The following CSNK1G3 variants were observed in gnomAD, a reference collection of about 807,000 sequenced individuals.
CSNK1G3 encodes casein kinase I isoform gamma-3.
In CSNK1G3, 23 loss-of-function variants were observed where a neutral mutation model predicts 64.3. The ratio of observed to expected loss-of-function variants is 0.36; its 90% CI spans 0.26 to 0.51. CSNK1G3 has a LOEUF of 0.51. CSNK1G3 is among the 20% of genes least tolerant of loss of function. The probability of loss-of-function intolerance (pLI) is 0.96; values close to 1 mark genes in which losing one functional copy is unlikely to be tolerated. For synonymous variants in CSNK1G3, 158 were observed against 162.2 expected (o/e 0.97, Z 0.20); for missense variants, 357 against 510.5 (o/e 0.70, Z 2.90).
At chr5:123,530,799 C>T (rs1779794680) in intron 1 of CSNK1G3, among the ~76,000 whole-genome samples, 2 of 152,128 alleles carry the variant, frequency 1.3e-5, no homozygotes, top group South Asian at 4.1e-4. Flanking sequence ...AAAAAAGTTT[C>T]TGTAGTATGT....
In CSNK1G3 at chr5:123,595,026, A is replaced by G. The variant is rs753777724; in HGVS notation, c.1086+3612A>G. 1.2e-6 allele frequency: 2 copies of G among 1,612,438 alleles called. No individual in the cohort carries two copies. The highest frequency in any genetic ancestry group is 2.2e-5 in the East Asian group (1 of 44,840). On this transcript the variant is annotated intron_variant, in intron 10 of 12. Coordinates refer to ENST00000345990, the Ensembl canonical transcript of CSNK1G3. ...TTCTTCCATGCATGCCATATGCATT[A>G]AATAAATGGCAGTCGGCAGACCACA...
chr5:123,551,802 A>G lies in CSNK1G3; in HGVS notation c.179-1305A>G, dbSNP rs1333998214. ...TACTCTCACTATTAAAAAAAACCCC[A>G]AAAAACTATCATTGTTTTGTTTTCC... On this transcript the variant is annotated intron_variant, in intron 2 of 12. Transcript: ENST00000345990. Among the ~76,000 whole-genome samples, 4 of 152,260 alleles carry G rather than the reference A, an allele frequency of 2.6e-5. No individual in the cohort carries two copies. In the South Asian group the frequency reaches 8.3e-4, roughly 32 times the overall value.
At chr5:123,608,273 A>G (rs779766569) in intron 12 of CSNK1G3, among the ~76,000 whole-genome samples, 10 of 152,306 alleles carry the variant, frequency 6.6e-5, no homozygotes, top group Middle Eastern at 3.4e-3. Context: ...TGCACATTTT[A>G]GCATCCTCAT....
At chr5:123,524,940 G>A (rs187016161) in intron 1 of CSNK1G3, among the ~76,000 whole-genome samples, 1 of 152,202 alleles carries the variant, frequency 6.6e-6, no homozygotes, top group Admixed American at 6.5e-5. Context: ...AAGATACCAG[G>A]CACTCTCTAG....
intron 1 of CSNK1G3, among the ~76,000 whole-genome samples, chr5:123,542,849 AGTGTGTGTGT>A (rs66645709): frequency 2.0e-4 from 27 of 134,902 alleles, no homozygotes; most frequent in African/African-American, 4.0e-4. Context: ...GCCTAGATTT[AGTGTGTGTGT>A]GTGTGTGTGT....
At chr5:123,597,023 G>T (rs570928832) in intron 10 of CSNK1G3, among the ~76,000 whole-genome samples, 1 of 114,116 alleles carries the variant, frequency 8.8e-6, no homozygotes, top group South Asian at 2.5e-4. Context: ...AACGTAATAA[G>T]AGCAAAGAAA....
intron 12 of CSNK1G3, among the ~76,000 whole-genome samples, chr5:123,609,778 G>A (rs1795999415): frequency 6.6e-6 from 1 of 152,172 alleles, no homozygotes. Context: ...CACCTGGGAA[G>A]GAAGCCTAAT....
At chr5:123,586,184 A>G (rs1581288644) in intron 6 of CSNK1G3, among the ~76,000 whole-genome samples, 2 of 152,196 alleles carry the variant, frequency 1.3e-5, no homozygotes, top group African/African-American at 4.8e-5. Context: ...TCTATACTGT[A>G]TGATTCCATT....
At chr5:123,575,589 C>T in intron 5 of CSNK1G3, 140 bp from the exon 6 acceptor site, 1 of 607,428 alleles carries the variant, frequency 1.6e-6, no homozygotes, top group Admixed American at 3.0e-5. Flanking sequence ...GATAGGCTGA[C>T]ATCATTTTAC....
intron 10 of CSNK1G3, among the ~76,000 whole-genome samples, chr5:123,604,167 A>G (rs959347538): frequency 6.6e-6 from 1 of 152,078 alleles, no homozygotes; most frequent in African/African-American, 2.4e-5. Flanking sequence ...AGGATCTGCC[A>G]TTTATGGATT....
At chr5:123,546,237 A>G (rs576857671) in intron 2 of CSNK1G3, among the ~76,000 whole-genome samples, 10 of 152,296 alleles carry the variant, frequency 6.6e-5, no homozygotes, top group South Asian at 6.2e-4. Flanking sequence ...TCAAGTTAAT[A>G]TACTGAAACT....
At chr5:123,575,993 T>A in intron 6 of CSNK1G3, 30 bp downstream of exon 6, 6 of 1,466,432 alleles carry the variant, frequency 4.1e-6, no homozygotes, top group Non-Finnish European at 5.7e-6. Flanking sequence ...GTATGGAAGT[T>A]TGAACTTAGC....
chr5:123,547,929 T>G (rs1259362109), intron 2 of CSNK1G3, among the ~76,000 whole-genome samples: 1 of 152,162 alleles, frequency 6.6e-6, no homozygotes, highest in Non-Finnish European at 1.5e-5. Context: ...AACACTAATG[T>G]TAAAAGCTGG....
At position 123,591,427 on chromosome 5, in the gene CSNK1G3, TTAG is replaced by T; in HGVS notation, c.1086+14_1086+16del. 1 of 1,578,272 alleles carries T rather than the reference TTAG, an allele frequency of 6.3e-7. No homozygotes were observed. Among genetic ancestry groups the T allele is most frequent in the Non-Finnish European group, 8.7e-7 (1 of 1,153,744 alleles). On this transcript the variant is annotated intron_variant, in intron 10 of 12. Transcript: ENST00000345990. ...ATCCAAAAACCAGGTTTGCTGCCCT[TTAG>T]ATATGAAATACCTTCCTTTCATGAT...
chr5:123,527,266 T>A (rs1383868707), intron 1 of CSNK1G3, among the ~76,000 whole-genome samples: 1 of 152,184 alleles, frequency 6.6e-6, no homozygotes, highest in African/African-American at 2.4e-5. Flanking sequence ...CCCTGATCTC[T>A]AGGAGAAAAA....
chr5:123,538,718 C>G (rs1355639038), intron 1 of CSNK1G3, among the ~76,000 whole-genome samples: 1 of 152,142 alleles, frequency 6.6e-6, no homozygotes, highest in South Asian at 2.1e-4. Context: ...TATCCCAGAA[C>G]TTAAAGTATA....
chr5:123,534,861 A>G (rs1460850698), intron 1 of CSNK1G3, among the ~76,000 whole-genome samples: 1 of 152,144 alleles, frequency 6.6e-6, no homozygotes, highest in Non-Finnish European at 1.5e-5. Context: ...ATAAGTTGTA[A>G]CACAGTAATA....
chr5:123,569,552 C>A (rs1436487302), intron 4 of CSNK1G3, among the ~76,000 whole-genome samples: 1 of 152,190 alleles, frequency 6.6e-6, no homozygotes, highest in Non-Finnish European at 1.5e-5. Flanking sequence ...CACTACCCAA[C>A]ATTAAATCAT....
At chr5:123,539,617 A>G (rs983846891) in intron 1 of CSNK1G3, among the ~76,000 whole-genome samples, 4 of 152,150 alleles carry the variant, frequency 2.6e-5, no homozygotes, top group Admixed American at 2.0e-4. Flanking sequence ...ATCTATGCTC[A>G]TGAGAAATGC....
Sources: gnomAD v4.1 joint callset for allele counts (sites outside exome capture counted in the v4.1 genomes callset) on GRCh38, gnomAD v4.1.1 for gene constraint, MANE v1.5 for transcripts, NCBI Gene and HGNC (gene_info 2026-07-23, HGNC 2026-07-21) for gene names.